HECW2: variants seen among roughly 807,000 people sequenced by gnomAD.
HECW2 encodes HECT, C2 and WW domain containing E3 ubiquitin protein ligase 2.
Under a neutral mutation model 175.2 loss-of-function variants are expected in HECW2, and 61 were observed. The observed-to-expected ratio is 0.35, with a 90% CI of 0.28 to 0.43. The LOEUF (loss-of-function observed/expected upper bound fraction) is 0.43. HECW2 is among the 20% of genes least tolerant of loss of function. HECW2 has a pLI of 1.00. For missense variants in HECW2, 1,524 were observed against 2,000.5 expected (o/e 0.76, Z 4.54); for synonymous variants, 671 against 731.0 (o/e 0.92, Z 1.32).
intron 2 of HECW2, among the ~76,000 whole-genome samples, chr2:196,379,882 G>A (rs1322229766): frequency 8.2e-6 from 1 of 121,376 alleles, no homozygotes. Context: ...TTCTCTGCAT[G>A]TATGCTATTC....
At chr2:196,336,116 T>C (rs1464121306) in intron 3 of HECW2, among the ~76,000 whole-genome samples, 1 of 152,146 alleles carries the variant, frequency 6.6e-6, no homozygotes, top group East Asian at 1.9e-4. Flanking sequence ...GAGGCACAGA[T>C]GAAGCATGCT....
At chr2:196,231,683 T>A (rs1688061516) in intron 21 of HECW2, among the ~76,000 whole-genome samples, 1 of 152,198 alleles carries the variant, frequency 6.6e-6, no homozygotes, top group Non-Finnish European at 1.5e-5. Context: ...AGGAAAATAC[T>A]ACTTGTTAAA....
chr2:196,571,342 T>C (rs1277741825), intron 1 of HECW2, among the ~76,000 whole-genome samples: 1 of 152,178 alleles, frequency 6.6e-6, no homozygotes, highest in Non-Finnish European at 1.5e-5. Context: ...CAATACTTAG[T>C]TGTGTCTACT....
At chr2:196,369,342 G>GTCTCTCTCTC (rs71410611) in intron 2 of HECW2, among the ~76,000 whole-genome samples, 4,318 of 131,262 alleles carry the variant, frequency 0.033, 111 homozygotes, top group South Asian at 0.044. Flanking sequence ...AACAAATGGA[G>GTCTCTCTCTC]TCTCTCTCTC....
rs1200418213 is a variant in HECW2, at chr2:196,318,553, T to G, written c.2337A>C (p.Gly779=). 2.0e-6 allele frequency: 3 copies of G among 1,504,924 alleles called. No homozygotes were observed. The African/African-American group carries it at 4.2e-5, about 21-fold the overall frequency. The allele number at this position is 1,504,924 out of a possible 1,614,324, so 93.2% of individuals were successfully genotyped here. ...GATAQEEGAT[G]GSQANGHQPL... ...GCCACAGTGGTGTCCATATCCTACC[T>G]CCAGTAGCGCCCTCCTCCTGGGCAG... The change falls in exon 9 of 29, where the codon GGA becomes GGC. Residue 779 remains glycine, a splice_region_variant and synonymous_variant. Transcript: ENST00000644978.
At chr2:196,527,797 G>A (rs964343471) in intron 1 of HECW2, among the ~76,000 whole-genome samples, 2 of 152,178 alleles carry the variant, frequency 1.3e-5, no homozygotes, top group East Asian at 1.9e-4. Flanking sequence ...CCCTGTCCTA[G>A]AAGGAGTCCA....
At chr2:196,374,959 A>T (rs1439317586) in intron 2 of HECW2, among the ~76,000 whole-genome samples, 1 of 151,912 alleles carries the variant, frequency 6.6e-6, no homozygotes, top group Non-Finnish European at 1.5e-5. Context: ...TCAGGAGTTC[A>T]AGACCAGCTT....
intron 2 of HECW2, among the ~76,000 whole-genome samples, chr2:196,408,094 G>A (rs928322129): frequency 3.3e-5 from 5 of 152,222 alleles, no homozygotes; most frequent in African/African-American, 4.8e-5. Flanking sequence ...GGTTAGAAGA[G>A]CAGTAGGCAG....
intron 18 of HECW2, 108 bp downstream of exon 18, chr2:196,257,709 AAAGAAT>A: frequency 1.3e-6 from 1 of 742,486 alleles, no homozygotes. Context: ...CCACAAGTCT[AAAGAAT>A]AAGAACAATT....
intron 2 of HECW2, among the ~76,000 whole-genome samples, chr2:196,406,269 T>C (rs530406163): frequency 6.6e-6 from 1 of 152,248 alleles, no homozygotes; most frequent in South Asian, 2.1e-4. Flanking sequence ...TTCCTCCTCA[T>C]TCCCCATAAT....
chr2:196,542,885 T>G (rs1389930685), intron 1 of HECW2, among the ~76,000 whole-genome samples: 1 of 133,334 alleles, frequency 7.5e-6, no homozygotes, highest in Non-Finnish European at 1.7e-5. Context: ...TATATCTATA[T>G]ATAGGTATAT....
chr2:196,225,482 G>A (rs1184397942), intron 23 of HECW2, among the ~76,000 whole-genome samples: 1 of 152,188 alleles, frequency 6.6e-6, no homozygotes, highest in Non-Finnish European at 1.5e-5. Context: ...CCAGGGCTGT[G>A]TTTGAAGTAC....
chr2:196,338,418 T>G (rs1692630951), intron 3 of HECW2, among the ~76,000 whole-genome samples: 1 of 152,260 alleles, frequency 6.6e-6, no homozygotes, highest in Non-Finnish European at 1.5e-5. Flanking sequence ...ATTTTTATAC[T>G]TTTTAAACAT....
chr2:196,357,713 C>T (rs980810728), intron 2 of HECW2, among the ~76,000 whole-genome samples: 1 of 152,170 alleles, frequency 6.6e-6, no homozygotes, highest in Non-Finnish European at 1.5e-5. Context: ...GGGTGGTTCT[C>T]TCCATGCTGT....
At chr2:196,409,631 C>A (rs12471412) in intron 2 of HECW2, among the ~76,000 whole-genome samples, 143,561 of 152,240 alleles carry the variant, frequency 0.94, 67,825 homozygotes, top group East Asian at 1. Flanking sequence ...AAGTTTCAGA[C>A]AGCCTCCAGC....
intron 1 of HECW2, among the ~76,000 whole-genome samples, chr2:196,541,100 C>T (rs1217460949): frequency 2.0e-5 from 3 of 152,132 alleles, no homozygotes; most frequent in African/African-American, 4.8e-5. Context: ...TACATTTCCT[C>T]CATAAGATAT....
At chr2:196,244,439 A>C (rs1688573410) in intron 19 of HECW2, among the ~76,000 whole-genome samples, 1 of 152,186 alleles carries the variant, frequency 6.6e-6, no homozygotes, top group South Asian at 2.1e-4. Flanking sequence ...TATTTGGGAA[A>C]TCTTGCAATG....
chr2:196,239,195 T>G (rs1688360700), intron 21 of HECW2: 1 of 152,236 alleles, frequency 6.6e-6, no homozygotes, highest in Admixed American at 6.5e-5. Flanking sequence ...ACAAATTTTG[T>G]CATGTCATAG....
intron 1 of HECW2, among the ~76,000 whole-genome samples, chr2:196,495,998 G>A (rs553717481): frequency 6.6e-6 from 1 of 152,256 alleles, no homozygotes; most frequent in Admixed American, 6.5e-5. Context: ...AACAGGAAAG[G>A]AAGATGAGCA....
Sources: allele counts gnomAD v4.1 joint callset (sites outside exome capture counted in the v4.1 genomes callset), GRCh38; gene constraint gnomAD v4.1.1; transcripts MANE v1.5; gene names NCBI Gene and HGNC (gene_info 2026-07-23, HGNC 2026-07-21).